Variants in BCL9 observed in about 807,000 individuals in gnomAD.
BCL9 encodes B-cell CLL/lymphoma 9 protein.
In BCL9, 25 loss-of-function variants were observed where a neutral mutation model predicts 88.5. The observed-to-expected ratio is 0.28, with a 90% CI of 0.21 to 0.39. The LOEUF (loss-of-function observed/expected upper bound fraction) is 0.39. Ranked by LOEUF, BCL9 falls within the 10% of genes least tolerant of loss-of-function variation. BCL9 has a pLI of 1.00. For synonymous variants in BCL9, 711 were observed against 673.3 expected (o/e 1.06, Z -0.87); for missense variants, 1,817 against 1,877.8 (o/e 0.97, Z 0.60).
At chr1:147,593,829 G>T (rs2101576691) in intron 1 of BCL9, among the ~76,000 whole-genome samples, 1 of 152,316 alleles carries the variant, frequency 6.6e-6, no homozygotes, top group East Asian at 1.9e-4. Flanking sequence ...CAAAAGATAT[G>T]TGAGATTCTG....
chr1:147,566,545 C>T (rs587623729), intron 1 of BCL9, among the ~76,000 whole-genome samples: 2 of 152,046 alleles, frequency 1.3e-5, no homozygotes, highest in South Asian at 2.1e-4. Context: ...TCACGAGGTC[C>T]GGAGATCGAG....
At chr1:147,569,941 A>G (rs991489988) in intron 1 of BCL9, among the ~76,000 whole-genome samples, 1 of 152,182 alleles carries the variant, frequency 6.6e-6, no homozygotes, top group Non-Finnish European at 1.5e-5. Flanking sequence ...GGGAAAAAAA[A>G]GGAGTTAAAA....
At position 147,541,576 on chromosome 1, in the gene BCL9, G is replaced by GT. The variant is rs1654318615; in HGVS notation, c.-576_-575insT. 6.6e-6 allele frequency: 1 copy of GT among 152,242 alleles called. No homozygotes were observed. The highest frequency in any genetic ancestry group is 1.5e-5 in the Non-Finnish European group (1 of 68,104). 9.4% of individuals were successfully genotyped at this position (152,242 alleles called of 1,614,324 possible). ...ATGTTGTCCTGGTGTCTTGATACCA[G>GT]GAGGCCAGGGATTGCGGGAAAAGGG... is the stretch of plus-strand genomic sequence containing the variant. On this transcript the variant is annotated 5_prime_UTR_variant, in exon 1 of 10. It removes the in-frame stop codon of an upstream open reading frame in the 5' UTR. Coordinates refer to ENST00000234739, the MANE Select transcript of BCL9 (RefSeq NM_004326.4).
intron 1 of BCL9, among the ~76,000 whole-genome samples, chr1:147,569,146 A>C (rs1655749123): frequency 6.6e-6 from 1 of 151,732 alleles, no homozygotes; most frequent in Non-Finnish European, 1.5e-5. Context: ...TGGGTGAACA[A>C]ATGGACAAAG....
intron 1 of BCL9, among the ~76,000 whole-genome samples, chr1:147,549,691 C>T (rs1313668857): frequency 2.6e-5 from 4 of 152,166 alleles, no homozygotes; most frequent in African/African-American, 9.7e-5. Context: ...CTCAGGTTTC[C>T]TCTAGAAAAG....
At chr1:147,576,917 C>T (rs1253656792) in intron 1 of BCL9, among the ~76,000 whole-genome samples, 2 of 152,046 alleles carry the variant, frequency 1.3e-5, no homozygotes, top group Non-Finnish European at 2.9e-5. Flanking sequence ...TATCCGTTAT[C>T]GTCAAAAGAG....
In BCL9 at chr1:147,611,852, C is replaced by A. The variant is rs782589783; in HGVS notation, c.16C>A (p.Pro6Thr). 1.8e-5 allele frequency: 29 copies of A among 1,613,948 alleles called. No homozygotes were observed. The highest frequency in any genetic ancestry group is 6.7e-5 in the Admixed American group (4 of 59,994). ...ATTTCAATCAATGCATTCCAGTAAC[C>A]CTAAAGTGAGGAGCTCTCCATCAGG... MHSSNPKVRSSPSGNT... is the reference protein window; with the variant it reads MHSSNTKVRSSPSGNT... The change falls in exon 4 of 10, where the codon CCT becomes ACT. Residue 6 changes from proline (P) to threonine (T), a missense_variant. Physicochemically the swap from Pro to Thr is conservative, Grantham distance 38. Coordinates refer to ENST00000234739, the MANE Select transcript of BCL9 (RefSeq NM_004326.4).
chr1:147,562,629 C>T (rs1457994668), intron 1 of BCL9, among the ~76,000 whole-genome samples: 1 of 152,098 alleles, frequency 6.6e-6, no homozygotes, highest in Non-Finnish European at 1.5e-5. Flanking sequence ...ATAAACACTA[C>T]TGAGGCTGAC....
chr1:147,618,764 T>G, intron 7 of BCL9, 52 bp from the exon 8 acceptor site: 1 of 1,431,456 alleles, frequency 7.0e-7, no homozygotes, highest in Non-Finnish European at 9.3e-7. Flanking sequence ...CTCTTTTAAT[T>G]GCCCTTCTGT....
chr1:147,610,790 G>A (rs1422725124), intron 3 of BCL9, among the ~76,000 whole-genome samples: 1 of 152,164 alleles, frequency 6.6e-6, no homozygotes, highest in Non-Finnish European at 1.5e-5. Context: ...CTCTAGCTAG[G>A]TTTGGGAATA....
chr1:147,602,174 T>G (rs1455359235), intron 1 of BCL9, among the ~76,000 whole-genome samples: 3 of 149,780 alleles, frequency 2.0e-5, no homozygotes, highest in Non-Finnish European at 4.4e-5. Context: ...GTGCTGAGAT[T>G]AACAGGTGTT....
rs1421116049 is a variant in BCL9, at chr1:147,614,505, C to G, written c.449C>G (p.Ala150Gly). The change falls in exon 6 of 10, where the codon GCC (alanine) becomes GGC (glycine). Residue 150 changes from alanine (A) to glycine (G), a missense_variant. By Grantham distance (60) the Ala-to-Gly change is moderately conservative. Around this residue, in one of 2 missense-constraint regions of BCL9, gnomAD observed 1,228 missense variants for 1,191.6 expected, o/e 1.03. Coordinates refer to ENST00000234739, the MANE Select transcript of BCL9 (RefSeq NM_004326.4). ...TCGATGACCCCATCAAATGCTACAG[C>G]CCCCAGGTCTTCTACCCCCTCCCAT... ...PHSMTPSNAT[A>G]PRSSTPSHGQ... 1 of 1,613,932 alleles carries G rather than the reference C, an allele frequency of 6.2e-7. No individual in the cohort carries two copies. Among genetic ancestry groups the G allele is most frequent in the Non-Finnish European group, 8.5e-7 (1 of 1,179,870 alleles).
intron 1 of BCL9, among the ~76,000 whole-genome samples, chr1:147,596,313 T>C (rs1330855853): frequency 3.3e-5 from 5 of 152,018 alleles, no homozygotes; most frequent in Non-Finnish European, 1.5e-5. Context: ...TTCTTTTGCC[T>C]GGAAAACCTA....
At chr1:147,571,749 G>C (rs1371759719) in intron 1 of BCL9, among the ~76,000 whole-genome samples, 1 of 152,120 alleles carries the variant, frequency 6.6e-6, no homozygotes, top group Non-Finnish European at 1.5e-5. Context: ...GACCTGCTGA[G>C]GGTTGCCTCC....
intron 1 of BCL9, among the ~76,000 whole-genome samples, chr1:147,590,445 G>T (rs1656798024): frequency 1.3e-5 from 2 of 152,064 alleles, no homozygotes; most frequent in South Asian, 4.1e-4. Context: ...CCGTTTTCTG[G>T]CTTCTCTCCT....
intron 9 of BCL9, among the ~76,000 whole-genome samples, chr1:147,623,101 A>C (rs1279320752): frequency 6.6e-6 from 1 of 152,134 alleles, no homozygotes; most frequent in Non-Finnish European, 1.5e-5. Flanking sequence ...GGATGGTGAA[A>C]GCAATCAGCA....
At position 147,620,878 on chromosome 1, in the gene BCL9, C is replaced by T; in HGVS notation, c.2723C>T (p.Pro908Leu). 6.2e-7 allele frequency: 1 copy of T among 1,614,164 alleles called. No homozygotes were observed. The highest frequency in any genetic ancestry group is 8.5e-7 in the Non-Finnish European group (1 of 1,180,036). ...GCTGCTGCTGCTTCCATTAAGTCCC[C>T]CCCTGTTTTGGGGTCTGCTGCTGCT... is the stretch of plus-strand genomic sequence containing the variant. ...GPAAAASIKSPPVLGSAAASP... is the reference protein window; with the variant it reads ...GPAAAASIKSLPVLGSAAASP... The change falls in exon 8 of 10, where the codon CCC (proline) becomes CTC (leucine). Residue 908 changes from proline to leucine, a missense_variant. Pro to Leu is a moderately conservative substitution (Grantham distance 98). This residue lies in a region of BCL9 where 1,228 missense variants were observed against 1,191.6 expected (regional missense o/e 1.03). Transcript: ENST00000234739.
intron 1 of BCL9, among the ~76,000 whole-genome samples, chr1:147,553,798 C>A (rs1654991479): frequency 6.6e-6 from 1 of 152,178 alleles, no homozygotes; most frequent in Non-Finnish European, 1.5e-5. Context: ...ATAGTATGAA[C>A]TGATAGGATT....
chr1:147,559,513 T>C (rs1425995578), intron 1 of BCL9, among the ~76,000 whole-genome samples: 1 of 152,230 alleles, frequency 6.6e-6, no homozygotes, highest in Non-Finnish European at 1.5e-5. Flanking sequence ...TGAAGCATTT[T>C]GCACAGAATT....
Sources: allele counts gnomAD v4.1 joint callset (sites outside exome capture counted in the v4.1 genomes callset), GRCh38; gene constraint gnomAD v4.1.1; regional missense constraint gnomAD v4.1.1; transcripts MANE v1.5; gene names NCBI Gene and HGNC (gene_info 2026-07-23, HGNC 2026-07-21).